FRY: variants seen among roughly 807,000 people sequenced by gnomAD.
FRY encodes protein furry homolog.
FRY carries 128 observed loss-of-function variants against 348.4 expected under a neutral mutation model. The ratio of observed to expected loss-of-function variants is 0.37; its 90% CI spans 0.32 to 0.43. FRY has a LOEUF of 0.43. FRY is among the 20% of genes least tolerant of loss of function. The probability of loss-of-function intolerance (pLI) is 1.00; values close to 1 mark genes in which losing one functional copy is unlikely to be tolerated. For missense variants in FRY, 2,736 were observed against 3,695.2 expected, an observed-to-expected ratio of 0.74 and a Z score of 6.73; for synonymous variants, 1,370 against 1,374.7, an observed-to-expected ratio of 1.00 and a Z score of 0.08.
chr13:32,200,926 T>C (rs1883982515), intron 29 of FRY, among the ~76,000 whole-genome samples: 1 of 152,102 alleles, frequency 6.6e-6, no homozygotes, highest in African/African-American at 2.4e-5. Context: ...CCATTTGCAT[T>C]CTTGTAATAG....
chr13:32,168,707 G>A (rs1253578962), intron 17 of FRY, among the ~76,000 whole-genome samples: 1 of 152,204 alleles, frequency 6.6e-6, no homozygotes, highest in African/African-American at 2.4e-5. Flanking sequence ...CAGTGTCTGT[G>A]TAGAACTTTA....
Position 32,249,424 on chromosome 13 carries a change from T to G in FRY, c.7009-102T>G, listed in dbSNP as rs183283270. 3.8e-5 allele frequency: 49 copies of G among 1,274,628 alleles called. No homozygotes were observed. The African/African-American group carries it at 6.7e-4, about 18-fold the overall frequency. The allele number at this position is 1,274,628 out of a possible 1,614,324, so 79.0% of individuals were successfully genotyped here. A position where few individuals can be genotyped will look rare whatever the true frequency, so the allele number is the denominator to read the frequency against. ...GTAACACTGAACTTCTCTAATCTGA[T>G]TTTTAATCAAATAAGCAGCTCTTGG... is the stretch of plus-strand genomic sequence containing the variant. On this transcript the variant is annotated intron_variant, in intron 48 of 60. Coordinates refer to ENST00000542859, the MANE Select transcript of FRY (RefSeq NM_023037.3).
At chr13:32,294,696 C>T (rs1593864460) in intron 60 of FRY, 126 bp downstream of exon 60, 1 of 753,276 alleles carries the variant, frequency 1.3e-6, no homozygotes, top group Non-Finnish European at 2.3e-6. Flanking sequence ...CAGATCTTTA[C>T]TGCTGCCAAA....
At chr13:32,274,579 C>T (rs1021004699) in intron 55 of FRY, among the ~76,000 whole-genome samples, 6 of 151,494 alleles carry the variant, frequency 4.0e-5, no homozygotes, top group Non-Finnish European at 5.9e-5. Flanking sequence ...TGGCAGGCAC[C>T]TGTAGTCCCA....
intron 1 of FRY, 152 bp downstream of exon 1, chr13:32,032,017 C>CTTTA: frequency 1.6e-6 from 1 of 609,842 alleles, no homozygotes; most frequent in Non-Finnish European, 2.9e-6. Context: ...TTCTTTCTTT[C>CTTTA]TTTCTTTTTC....
Position 32,268,502 on chromosome 13 carries a change from AAAAATATAT to A in FRY, c.8136+1145_8136+1153del, listed in dbSNP as rs1183575362. The stretch of plus-strand genomic sequence containing the variant: ...AAGCTAGTTTAAAAAAAAAAAAAAA[AAAAATATAT>A]ATATATATATATATATATATATATA... On this transcript the variant is annotated intron_variant, in intron 55 of 60. Coordinates refer to ENST00000542859, the MANE Select transcript of FRY (RefSeq NM_023037.3). Among the ~76,000 whole-genome samples the A allele has an allele frequency of 4.1e-3, 70 of 16,928 alleles. No homozygotes were observed. The East Asian group carries it at 0.051, about 12-fold the overall frequency. 11.1% of individuals were successfully genotyped at this position (16,928 alleles called of 152,430 possible). A position where few individuals can be genotyped will look rare whatever the true frequency, so the allele number is the denominator to read the frequency against.
chr13:32,135,127 G>A lies in FRY; in HGVS notation c.1021G>A (p.Val341Met). The change falls in exon 10 of 61, where the codon GTG (valine) becomes ATG (methionine). Residue 341 changes from valine to methionine, a missense_variant. Val to Met is a conservative substitution (Grantham distance 21, BLOSUM62 1). Transcript: ENST00000542859. ...AAATGTTCCCTGCCTTAGAAATTTTGTGGAAAGCCTGTATGACACCACGCT... is the reference window on the plus strand; with the variant it reads ...AAATGTTCCCTGCCTTAGAAATTTTATGGAAAGCCTGTATGACACCACGCT... ...EVNVPCLRNF[V>M]ESLYDTTLEL... 6.2e-7 allele frequency: 1 copy of A among 1,613,124 alleles called. No individual in the cohort carries two copies. The highest frequency in any genetic ancestry group is 8.5e-7 in the Non-Finnish European group (1 of 1,179,136).
chr13:32,078,752 T>C (rs143284491), intron 1 of FRY, 82 bp from the exon 2 acceptor site: 120 of 1,023,232 alleles, frequency 1.2e-4, no homozygotes, highest in Admixed American at 4.7e-4. Flanking sequence ...ATTCATATCC[T>C]GATATTTATG....
intron 59 of FRY, among the ~76,000 whole-genome samples, chr13:32,290,268 C>T (rs868795914): frequency 1.3e-5 from 2 of 151,940 alleles, no homozygotes; most frequent in Non-Finnish European, 2.9e-5. Flanking sequence ...AATTTTTCTA[C>T]AAATGAAGAA....
At chr13:32,229,278 G>A (rs576223850) in intron 40 of FRY, among the ~76,000 whole-genome samples, 3 of 152,150 alleles carry the variant, frequency 2.0e-5, no homozygotes, top group African/African-American at 7.2e-5. Flanking sequence ...AACACCCTGC[G>A]GTCTGGTAGT....
intron 23 of FRY, among the ~76,000 whole-genome samples, chr13:32,181,366 G>A (rs1420085443): frequency 2.6e-5 from 4 of 151,714 alleles, no homozygotes; most frequent in East Asian, 3.9e-4. Context: ...AGGCTGAGGT[G>A]GGTGGATCAC....
chr13:32,081,053 G>A (rs1232095318), intron 2 of FRY, among the ~76,000 whole-genome samples: 2 of 152,192 alleles, frequency 1.3e-5, no homozygotes, highest in African/African-American at 2.4e-5. Context: ...GAATTTGTTT[G>A]CGTGGAGTTT....
At chr13:32,210,436 C>A (rs1884622864) in intron 33 of FRY, among the ~76,000 whole-genome samples, 1 of 152,112 alleles carries the variant, frequency 6.6e-6, no homozygotes, top group African/African-American at 2.4e-5. Flanking sequence ...AAATTTAAAA[C>A]CATAAAAACA....
chr13:32,266,221 A>G (rs554809609), intron 54 of FRY, among the ~76,000 whole-genome samples: 12 of 152,356 alleles, frequency 7.9e-5, no homozygotes, highest in African/African-American at 2.9e-4. Flanking sequence ...AGAACTAAGT[A>G]AAAGCTTCTG....
At chr13:32,155,030 G>A (rs192558826) in intron 14 of FRY, among the ~76,000 whole-genome samples, 2 of 152,268 alleles carry the variant, frequency 1.3e-5, no homozygotes, top group East Asian at 1.9e-4. Flanking sequence ...AAGTCAGGAC[G>A]TGCAGTTGAG....
chr13:32,186,509 A>G, intron 27 of FRY, 89 bp downstream of exon 27: 4 of 862,628 alleles, frequency 4.6e-6, no homozygotes, highest in Non-Finnish European at 7.8e-6. Context: ...TAAGCTTAAA[A>G]TAAATAATAC....
At chr13:32,253,643 C>G (rs1459858803) in intron 50 of FRY, among the ~76,000 whole-genome samples, 1 of 152,108 alleles carries the variant, frequency 6.6e-6, no homozygotes, top group Non-Finnish European at 1.5e-5. Context: ...TTTGTTTAAA[C>G]CTACAGGAGA....
rs1480098805 is a variant in FRY, at chr13:32,079,380, A to T, written c.270+347A>T. ...TGTGATATATATATATCTCATATAT[A>T]TATATGGCAAAATCTTTTGTCCAGT... On this transcript the variant is annotated intron_variant, in intron 2 of 60. Transcript: ENST00000542859. 2.0e-5 allele frequency among the ~76,000 whole-genome samples: 3 copies of T among 152,312 alleles called. No homozygotes were observed. In the South Asian group the frequency reaches 6.2e-4, roughly 32 times the overall value.
At chr13:32,037,326 A>G (rs1236626763) in intron 1 of FRY, among the ~76,000 whole-genome samples, 2 of 152,204 alleles carry the variant, frequency 1.3e-5, no homozygotes, top group Non-Finnish European at 2.9e-5. Context: ...TTAGAATGGT[A>G]GTTTGCTTGC....
Sources: allele counts gnomAD v4.1 joint callset (sites outside exome capture counted in the v4.1 genomes callset), GRCh38; gene constraint gnomAD v4.1.1; transcripts MANE v1.5; gene names NCBI Gene and HGNC (gene_info 2026-07-23, HGNC 2026-07-21).